TEAD4: variants seen among roughly 807,000 people sequenced by gnomAD.
TEAD4 encodes transcriptional enhancer factor TEF-3.
TEAD4 carries 36 observed loss-of-function variants against 52.4 expected under a neutral mutation model. The ratio of observed to expected loss-of-function variants is 0.69; its 90% CI spans 0.53 to 0.91. The LOEUF (loss-of-function observed/expected upper bound fraction) is 0.91. Ranked by LOEUF, TEAD4 falls within the 40% of genes least tolerant of loss-of-function variation. The pLI is 0.00. For missense variants in TEAD4, 508 were observed against 583.9 expected, an observed-to-expected ratio of 0.87 and a Z score of 1.34; for synonymous variants, 220 against 231.0, an observed-to-expected ratio of 0.95 and a Z score of 0.43.
At position 2,960,234 on chromosome 12, in the gene TEAD4, G is replaced by A; in HGVS notation, c.-30+194G>A. The A allele has an allele frequency of 2.1e-6, 2 of 956,220 alleles. 1 individual carries two copies. Among genetic ancestry groups the A allele is most frequent in the Admixed American group, 1.2e-4 (2 of 16,250 alleles). 59.2% of individuals were successfully genotyped at this position (956,220 alleles called of 1,614,324 possible). On this transcript the variant is annotated intron_variant, in intron 2 of 12. Coordinates refer to ENST00000359864, the MANE Select transcript of TEAD4 (RefSeq NM_003213.4). ...GACACTCGGGACTTTGGGGGAAAGG[G>A]AGGCCGGTGTGGAAAGGACCGGAGA... is the stretch of plus-strand genomic sequence containing the variant.
rs547710678 is a variant in TEAD4 at position 3,011,301 on chromosome 12, G to C, written c.291+233G>C. 7.4e-4 allele frequency among the ~76,000 whole-genome samples: 112 copies of C among 152,050 alleles called. 1 individual carries two copies. Among genetic ancestry groups the C allele is most frequent in the Non-Finnish European group, 1.4e-3 (93 of 67,976 alleles). ...ACTGGAGTACAATGACGTGATCTCG[G>C]CTCACCGCAACCTTCTCCTCCTGGG... On this transcript the variant is annotated intron_variant, in intron 4 of 12. Coordinates refer to ENST00000359864, the MANE Select transcript of TEAD4 (RefSeq NM_003213.4).
chr12:2,986,504 G>T (rs543131028), intron 2 of TEAD4, among the ~76,000 whole-genome samples: 5 of 152,060 alleles, frequency 3.3e-5, no homozygotes, highest in African/African-American at 1.2e-4. Context: ...GCCGGGCGTG[G>T]TGGTACGTGC....
chr12:3,029,883 A>G (rs76211238), intron 10 of TEAD4, among the ~76,000 whole-genome samples: 13,000 of 152,158 alleles, frequency 0.085, 585 homozygotes, highest in South Asian at 0.16. Context: ...TTTATTGGGG[A>G]AATCAATAAA....
chr12:2,999,349 C>T (rs1226222611), intron 3 of TEAD4, among the ~76,000 whole-genome samples: 2 of 152,134 alleles, frequency 1.3e-5, no homozygotes, highest in African/African-American at 4.8e-5. Flanking sequence ...TGGGCCGGCC[C>T]GGTGGGGTAT....
intron 5 of TEAD4, among the ~76,000 whole-genome samples, chr12:3,016,833 G>A (rs963668358): frequency 6.6e-5 from 10 of 152,218 alleles, no homozygotes; most frequent in African/African-American, 2.4e-4. Flanking sequence ...CCATCCTCTG[G>A]GGTCTTGGAA....
At chr12:3,024,087 T>C (rs2098270504) in intron 10 of TEAD4, among the ~76,000 whole-genome samples, 2 of 147,028 alleles carry the variant, frequency 1.4e-5, no homozygotes, top group African/African-American at 2.5e-5. Context: ...AAATGTTCAC[T>C]TTTTTTTTTT....
At chr12:2,986,775 T>C (rs1421115933) in intron 2 of TEAD4, among the ~76,000 whole-genome samples, 4 of 152,214 alleles carry the variant, frequency 2.6e-5, no homozygotes, top group Non-Finnish European at 5.9e-5. Flanking sequence ...TTGTGTGTGC[T>C]AGACTTTTAC....
chr12:2,962,272 ATATTTATATATATT>A (rs2098216030), intron 2 of TEAD4, among the ~76,000 whole-genome samples: 2 of 132,598 alleles, frequency 1.5e-5, no homozygotes, highest in African/African-American at 2.9e-5. Context: ...TCATATATAT[ATATTTATATATATT>A]TATTTATATA....
intron 3 of TEAD4, among the ~76,000 whole-genome samples, chr12:3,006,917 T>C (rs770236259): frequency 1.3e-5 from 2 of 151,912 alleles, no homozygotes; most frequent in Non-Finnish European, 2.9e-5. Context: ...TCCCAGCTAC[T>C]TGGGAGGCTG....
chr12:2,974,480 G>C (rs2098227803), intron 2 of TEAD4, among the ~76,000 whole-genome samples: 1 of 152,314 alleles, frequency 6.6e-6, no homozygotes, highest in South Asian at 2.1e-4. Flanking sequence ...TGTCCTCAGA[G>C]CCATGGCCCA....
At chr12:3,040,314 G>T in intron 12 of TEAD4, 51 bp from the exon 13 acceptor site, 2 of 1,613,980 alleles carry the variant, frequency 1.2e-6, no homozygotes, top group Non-Finnish European at 1.7e-6. Flanking sequence ...TAGCAGCCAT[G>T]GCATGCCCCT....
In TEAD4 at chr12:2,994,288, C is replaced by G. The variant is rs12305778; in HGVS notation, c.-29-450C>G. 0.047 allele frequency among the ~76,000 whole-genome samples: 7,139 copies of G among 152,246 alleles called. 574 individuals carry two copies. Among genetic ancestry groups the G allele is most frequent in the African/African-American group, 0.16 (6,694 of 41,520 alleles). On this transcript the variant is annotated intron_variant, in intron 2 of 12. Coordinates refer to ENST00000359864, the MANE Select transcript of TEAD4 (RefSeq NM_003213.4). This position sits in a 1 kb window ranked among gnomAD's most constrained non-coding sequence, Gnocchi z 4.7. ...ACGGGGTTTCACCATGTTGGCCAGG[C>G]TGGTCTCGAGTTCCTGACCTCAAGT...
intron 2 of TEAD4, among the ~76,000 whole-genome samples, chr12:2,968,675 A>C (rs1199908046): frequency 6.7e-6 from 1 of 149,360 alleles, no homozygotes; most frequent in African/African-American, 2.5e-5. Context: ...AATAGATAGG[A>C]TCTTGCTCTG....
chr12:3,010,984 G>A lies in TEAD4; in HGVS notation c.227-20G>A, dbSNP rs2098259841. 1.2e-6 allele frequency: 2 copies of A among 1,614,042 alleles called. No homozygotes were observed. The highest frequency in any genetic ancestry group is 8.5e-7 in the Non-Finnish European group (1 of 1,179,916). ...CCTTTTGTCCTTCTCTCCACTGAGA[G>A]GCTGCTGGTGTCTCTGCAGGTCGGA... On this transcript the variant is annotated intron_variant, in intron 3 of 12. Coordinates refer to ENST00000359864, the MANE Select transcript of TEAD4 (RefSeq NM_003213.4).
rs376677290 is a variant in TEAD4, at chr12:3,011,253, G to A, written c.291+185G>A. ...TCTTTTTCTTTCTTTTTTCTGAGAC[G>A]GGGTTTCACTCATGTTGCCCAGACT... On this transcript the variant is annotated intron_variant, in intron 4 of 12. Coordinates refer to ENST00000359864, the MANE Select transcript of TEAD4 (RefSeq NM_003213.4). Among the ~76,000 whole-genome samples the A allele has an allele frequency of 4.6e-5, 7 of 152,024 alleles. No individual in the cohort carries two copies. The East Asian group carries it at 5.8e-4, about 13-fold the overall frequency.
At chr12:2,981,880 A>G (rs1379814399) in intron 2 of TEAD4, among the ~76,000 whole-genome samples, 1 of 152,076 alleles carries the variant, frequency 6.6e-6, no homozygotes, top group East Asian at 1.9e-4. Flanking sequence ...AAATGAAGAG[A>G]CTTCTCCATT....
At position 2,962,929 on chromosome 12, in the gene TEAD4, C is replaced by T. The variant is rs117298839; in HGVS notation, c.-30+2889C>T. ...GATTGCAGTGCTTGTACACCCCCTA[C>T]TCCCCCTAGCCGCCTTCATCCAACA... On this transcript the variant is annotated intron_variant, in intron 2 of 12. Transcript: ENST00000359864. Among the ~76,000 whole-genome samples, 365 of 152,294 alleles carry T rather than the reference C, an allele frequency of 2.4e-3. 8 individuals carry two copies. The East Asian group carries it at 0.045, about 19-fold the overall frequency.
intron 2 of TEAD4, among the ~76,000 whole-genome samples, chr12:2,986,723 T>C (rs1389704116): frequency 2.0e-5 from 3 of 152,116 alleles, no homozygotes; most frequent in East Asian, 3.8e-4. Context: ...AGTTAACCAG[T>C]AACACAGTTG....
chr12:2,988,909 G>T (rs564533658), intron 2 of TEAD4, among the ~76,000 whole-genome samples: 1 of 152,196 alleles, frequency 6.6e-6, no homozygotes, highest in South Asian at 2.1e-4. Context: ...GAAGCTTCTC[G>T]AACCGTCCCA....
Sources: gnomAD v4.1 joint callset for allele counts (sites outside exome capture counted in the v4.1 genomes callset) on GRCh38, gnomAD v4.1.1 for gene constraint, Gnocchi (gnomAD v3.1) non-coding constraint, MANE v1.5 for transcripts, NCBI Gene and HGNC (gene_info 2026-07-23, HGNC 2026-07-21) for gene names.